The following SULF1 variants were observed in gnomAD, a reference collection of about 807,000 sequenced individuals.
The protein encoded by SULF1 is sulfatase 1.
A neutral mutation model predicts 110.5 loss-of-function variants in SULF1; 46 were observed. That is an observed-to-expected ratio of 0.42 (90% CI 0.33 to 0.53). The LOEUF (loss-of-function observed/expected upper bound fraction) is 0.53, where lower values mean the gene tolerates loss of function less well. SULF1 is among the 20% of genes least tolerant of loss of function. The pLI, the probability that SULF1 is intolerant of heterozygous loss-of-function variation, is 0.12. For synonymous variants in SULF1, 371 were observed against 387.1 expected, an observed-to-expected ratio of 0.96 and a Z score of 0.49; for missense variants, 941 against 1,094.2, an observed-to-expected ratio of 0.86 and a Z score of 1.98.
At chr8:69,580,552 C>T (rs1021175613) in intron 6 of SULF1, among the ~76,000 whole-genome samples, 1 of 152,088 alleles carries the variant, frequency 6.6e-6, no homozygotes, top group African/African-American at 2.4e-5. Context: ...AGAATGATTC[C>T]TAAGTTTTCT....
At chr8:69,527,820 A>T (rs763183709) in intron 3 of SULF1, among the ~76,000 whole-genome samples, 1 of 152,048 alleles carries the variant, frequency 6.6e-6, no homozygotes, top group Non-Finnish European at 1.5e-5. Flanking sequence ...TGCAGGGAAA[A>T]TGCATGATGA....
intron 15 of SULF1, chr8:69,626,045 C>T (rs1809991132): frequency 6.6e-6 from 1 of 152,116 alleles, no homozygotes; most frequent in African/African-American, 2.4e-5. Flanking sequence ...CATTCGCAAA[C>T]CTTGAGCTAA....
chr8:69,526,654 A>G (rs57808925), intron 3 of SULF1, among the ~76,000 whole-genome samples: 8,027 of 151,638 alleles, frequency 0.053, 391 homozygotes, highest in African/African-American at 0.13. Flanking sequence ...AGTCAGGCAT[A>G]GTGGCATGTG....
At chr8:69,498,753 A>T (rs1332177375) in intron 2 of SULF1, among the ~76,000 whole-genome samples, 1 of 152,220 alleles carries the variant, frequency 6.6e-6, no homozygotes, top group Non-Finnish European at 1.5e-5. Flanking sequence ...TAAAGAACAG[A>T]GGAGTGAAAG....
chr8:69,472,357 AG>A (rs1470723392), intron 1 of SULF1, among the ~76,000 whole-genome samples: 1 of 152,216 alleles, frequency 6.6e-6, no homozygotes, highest in Non-Finnish European at 1.5e-5. Context: ...TGATAAAGCA[AG>A]ATACCATTTA....
chr8:69,614,549 A>G (rs1431885704), intron 13 of SULF1, among the ~76,000 whole-genome samples: 1 of 152,266 alleles, frequency 6.6e-6, no homozygotes, highest in East Asian at 1.9e-4. Context: ...CATATTTCTC[A>G]TTAGATTTGA....
At chr8:69,539,204 G>A (rs74985695) in intron 3 of SULF1, among the ~76,000 whole-genome samples, 4,684 of 152,218 alleles carry the variant, frequency 0.031, 106 homozygotes, top group Non-Finnish European at 0.043. Flanking sequence ...TTCTTGGAAA[G>A]AACAACTTAA....
chr8:69,581,865 T>C (rs1806091348), intron 6 of SULF1, among the ~76,000 whole-genome samples: 2 of 152,140 alleles, frequency 1.3e-5, no homozygotes, highest in African/African-American at 4.8e-5. Flanking sequence ...CCAACAGTGC[T>C]GCACCCTGAC....
chr8:69,626,803 A>C (rs1359901631), intron 15 of SULF1, among the ~76,000 whole-genome samples: 2 of 152,216 alleles, frequency 1.3e-5, no homozygotes, highest in Non-Finnish European at 2.9e-5. Context: ...CCGGAACTCC[A>C]GCTGGCCCGC....
chr8:69,653,888 C>A (rs909648836), intron 22 of SULF1, among the ~76,000 whole-genome samples: 15 of 152,282 alleles, frequency 9.9e-5, no homozygotes, highest in African/African-American at 3.1e-4. Context: ...ATGCCCTAGT[C>A]CCCTGGCCAT....
intron 3 of SULF1, among the ~76,000 whole-genome samples, chr8:69,509,565 C>G (rs1811418576): frequency 6.6e-6 from 1 of 152,164 alleles, no homozygotes; most frequent in Non-Finnish European, 1.5e-5. Flanking sequence ...AATTAACTCA[C>G]CTGGGACATG....
intron 3 of SULF1, among the ~76,000 whole-genome samples, chr8:69,562,555 T>C (rs1815575730): frequency 6.6e-6 from 1 of 152,186 alleles, no homozygotes; most frequent in Admixed American, 6.5e-5. Context: ...AGGAAGATTT[T>C]ATTTTTTTAA....
At chr8:69,585,022 G>C (rs143242239) in intron 6 of SULF1, among the ~76,000 whole-genome samples, 1 of 152,112 alleles carries the variant, frequency 6.6e-6, no homozygotes, top group Non-Finnish European at 1.5e-5. Flanking sequence ...GGATATAAGC[G>C]AGGGCACCTA....
intron 6 of SULF1, among the ~76,000 whole-genome samples, chr8:69,579,115 C>T (rs1270247952): frequency 8.7e-5 from 12 of 137,428 alleles, no homozygotes; most frequent in Admixed American, 2.3e-4. Flanking sequence ...GAGCCAAGAT[C>T]GTGCCACTGC....
rs147593851 is a variant in SULF1 at position 69,530,237 on chromosome 8, C to A, written c.-134+28269C>A. Among the ~76,000 whole-genome samples the A allele has an allele frequency of 5.0e-3, 768 of 152,102 alleles. 2 individuals are homozygous for A. Among genetic ancestry groups the A allele is most frequent in the Middle Eastern group, 0.01 (3 of 294 alleles). ...GATTTGTCACTAAACGTCAGGCTCA[C>A]CAGGATAGTCAAACATCAGGCTCTT... On this transcript the variant is annotated intron_variant, in intron 3 of 22. Coordinates refer to ENST00000402687, the MANE Select transcript of SULF1 (RefSeq NM_001128205.2).
chr8:69,510,560 A>G, intron 3 of SULF1, among the ~76,000 whole-genome samples: 1 of 151,966 alleles, frequency 6.6e-6, no homozygotes, highest in East Asian at 1.9e-4. Context: ...TCAAAAATCC[A>G]GTAATTCACA....
At chr8:69,615,037 C>G (rs1808980006) in intron 13 of SULF1, among the ~76,000 whole-genome samples, 1 of 152,208 alleles carries the variant, frequency 6.6e-6, no homozygotes, top group African/African-American at 2.4e-5. Context: ...TGATAAACTT[C>G]AAGAGCATAG....
intron 3 of SULF1, among the ~76,000 whole-genome samples, chr8:69,502,680 C>CTTTCTTTTTCTTTTTTTTTTTT (rs1810890406): frequency 8.6e-6 from 1 of 116,458 alleles, no homozygotes. Context: ...TTTTCTTTTT[C>CTTTCTTTTTCTTTTTTTTTTTT]TTTTTTTTTC....
intron 12 of SULF1, among the ~76,000 whole-genome samples, chr8:69,604,148 GACT>G (rs1808041424): frequency 6.6e-6 from 1 of 152,110 alleles, no homozygotes; most frequent in African/African-American, 2.4e-5. Flanking sequence ...AGAGAATGAC[GACT>G]CCACATCCCC....
Sources: allele counts gnomAD v4.1 joint callset (sites outside exome capture counted in the v4.1 genomes callset), GRCh38; gene constraint gnomAD v4.1.1; transcripts MANE v1.5; gene names NCBI Gene and HGNC (gene_info 2026-07-23, HGNC 2026-07-21).